The following KCNK13 variants were observed in gnomAD, a reference collection of about 807,000 sequenced individuals.
The protein encoded by KCNK13 is potassium two pore domain channel subfamily K member 13.
In KCNK13, 12 loss-of-function variants were observed where a neutral mutation model predicts 23.4. The observed-to-expected ratio is 0.51, with a 90% CI of 0.33 to 0.83. The LOEUF is 0.83. KCNK13 is among the 40% of genes least tolerant of loss of function. KCNK13 has a pLI of 0.02. For missense variants in KCNK13, 463 were observed against 556.3 expected (o/e 0.83, Z 1.69); for synonymous variants, 231 against 229.5 (o/e 1.01, Z -0.06).
intron 1 of KCNK13, among the ~76,000 whole-genome samples, chr14:90,073,752 C>A (rs564163936): frequency 6.6e-6 from 1 of 152,222 alleles, no homozygotes; most frequent in Non-Finnish European, 1.5e-5. Context: ...CTCACTGCAA[C>A]CTCTGTCTCC....
intron 1 of KCNK13, among the ~76,000 whole-genome samples, chr14:90,080,558 A>G (rs1388058467): frequency 6.6e-6 from 1 of 152,174 alleles, no homozygotes; most frequent in Non-Finnish European, 1.5e-5. Context: ...AAAATGTTTT[A>G]TTGTTACTAT....
At chr14:90,108,653 G>A (rs1235006027) in intron 1 of KCNK13, among the ~76,000 whole-genome samples, 3 of 152,136 alleles carry the variant, frequency 2.0e-5, no homozygotes, top group Non-Finnish European at 2.9e-5. Context: ...GAAAAGTTAA[G>A]CATAGTTGGT....
intron 1 of KCNK13, among the ~76,000 whole-genome samples, chr14:90,074,191 A>T (rs1208592836): frequency 9.9e-5 from 15 of 152,054 alleles, no homozygotes; most frequent in Admixed American, 5.2e-4. Context: ...GCTGGTCTCG[A>T]ACTCCTGACC....
Position 90,125,786 on chromosome 14 carries a change from G to T in KCNK13, c.335-58325G>T, listed in dbSNP as rs143242940. 7.7e-3 allele frequency among the ~76,000 whole-genome samples: 1,178 copies of T among 152,152 alleles called. 9 individuals are homozygous for T. The highest frequency in any genetic ancestry group is 0.026 in the African/African-American group (1,097 of 41,520). On this transcript the variant is annotated intron_variant, in intron 1 of 1. Transcript: ENST00000282146. ...ACCTGTAATCCCAGCATTTTGGGAG[G>T]CCGAGGCAAGTGGATGGCTTGAGCC...
chr14:90,175,920 G>A (rs1212799491), intron 1 of KCNK13, among the ~76,000 whole-genome samples: 3 of 152,096 alleles, frequency 2.0e-5, no homozygotes, highest in Admixed American at 6.5e-5. Context: ...CCCTTCTTAC[G>A]TGGTGTCTAG....
intron 1 of KCNK13, among the ~76,000 whole-genome samples, chr14:90,121,069 C>T (rs1463367692): frequency 6.6e-6 from 1 of 151,934 alleles, no homozygotes; most frequent in Non-Finnish European, 1.5e-5. Flanking sequence ...ATTTGGAGTC[C>T]ATTGTCACTA....
intron 1 of KCNK13, among the ~76,000 whole-genome samples, chr14:90,119,313 T>C (rs564102278): frequency 3.9e-5 from 6 of 152,250 alleles, no homozygotes; most frequent in East Asian, 1.9e-4. Flanking sequence ...GTCATTCTGA[T>C]ACCAAAACCT....
intron 1 of KCNK13, among the ~76,000 whole-genome samples, chr14:90,166,021 C>G (rs1303944604): frequency 1.3e-5 from 2 of 152,192 alleles, no homozygotes; most frequent in African/African-American, 4.8e-5. Context: ...TAAAGAGTCT[C>G]TATTTATCAT....
At chr14:90,098,432 T>G (rs1889436602) in intron 1 of KCNK13, among the ~76,000 whole-genome samples, 1 of 152,098 alleles carries the variant, frequency 6.6e-6, no homozygotes, top group Non-Finnish European at 1.5e-5. Context: ...TCACAGAAAG[T>G]CCTTCTGGAG....
intron 1 of KCNK13, among the ~76,000 whole-genome samples, chr14:90,103,687 C>G (rs549896314): frequency 6.6e-6 from 1 of 152,082 alleles, no homozygotes; most frequent in Non-Finnish European, 1.5e-5. Flanking sequence ...CTCAGCCTCC[C>G]GAGTAGCTGG....
chr14:90,069,580 C>G (rs1341105807), intron 1 of KCNK13, among the ~76,000 whole-genome samples: 1 of 150,686 alleles, frequency 6.6e-6, no homozygotes, highest in East Asian at 1.9e-4. Flanking sequence ...CTTTTGAAAT[C>G]AAAGTATATC....
intron 1 of KCNK13, among the ~76,000 whole-genome samples, chr14:90,148,236 T>C (rs1331084226): frequency 1.3e-5 from 2 of 152,222 alleles, no homozygotes; most frequent in African/African-American, 4.8e-5. Context: ...TCTTTTATAA[T>C]GTGCCTGCCC....
chr14:90,123,792 T>C (rs1161639099), intron 1 of KCNK13, among the ~76,000 whole-genome samples: 1 of 152,118 alleles, frequency 6.6e-6, no homozygotes, highest in Non-Finnish European at 1.5e-5. Flanking sequence ...CCACCACACC[T>C]GGCTAATTAA....
At chr14:90,104,078 C>G (rs907985904) in intron 1 of KCNK13, among the ~76,000 whole-genome samples, 3 of 152,152 alleles carry the variant, frequency 2.0e-5, no homozygotes, top group Non-Finnish European at 4.4e-5. Context: ...GTCAACTTCT[C>G]TTGTCTCTTT....
chr14:90,074,178 C>T (rs1710021), intron 1 of KCNK13, among the ~76,000 whole-genome samples: 37,498 of 151,994 alleles, frequency 0.25, 4,976 homozygotes, highest in Non-Finnish European at 0.3. Flanking sequence ...CCATATTGGC[C>T]AGGCTGGTCT....
Position 90,174,082 on chromosome 14 carries a change from G to A in KCNK13, c.335-10029G>A, listed in dbSNP as rs577999836. ...AGCACTTTGGGAGGCCGAGGCGGGC[G>A]GATCATGAGGTCAGGAGATGCAGAC... On this transcript the variant is annotated intron_variant, in intron 1 of 1. Transcript: ENST00000282146. Among the ~76,000 whole-genome samples, 121 of 152,106 alleles carry A rather than the reference G, an allele frequency of 8.0e-4. 1 individual carries two copies. The South Asian group carries it at 0.017, about 21-fold the overall frequency.
chr14:90,128,060 T>C (rs906846963), intron 1 of KCNK13, among the ~76,000 whole-genome samples: 18 of 152,058 alleles, frequency 1.2e-4, no homozygotes, highest in African/African-American at 4.3e-4. Flanking sequence ...CTTTCCACAA[T>C]AGGATTGGAG....
At chr14:90,148,365 C>G (rs1890097558) in intron 1 of KCNK13, among the ~76,000 whole-genome samples, 1 of 152,232 alleles carries the variant, frequency 6.6e-6, no homozygotes, top group Non-Finnish European at 1.5e-5. Context: ...CGATGAGATC[C>G]TCTCCCTGCC....
At chr14:90,128,565 A>C (rs1481966571) in intron 1 of KCNK13, among the ~76,000 whole-genome samples, 1 of 152,130 alleles carries the variant, frequency 6.6e-6, no homozygotes, top group Non-Finnish European at 1.5e-5. Context: ...AGCCCTCAGC[A>C]CCTTACCATC....
Sources: gnomAD v4.1 joint callset for allele counts (sites outside exome capture counted in the v4.1 genomes callset) on GRCh38, gnomAD v4.1.1 for gene constraint, MANE v1.5 for transcripts, NCBI Gene and HGNC (gene_info 2026-07-23, HGNC 2026-07-21) for gene names.